The following TCF20 variants were observed in gnomAD, a reference collection of about 807,000 sequenced individuals.
TCF20 encodes the protein transcription factor 20, also known as SPRE-binding protein.
In TCF20, 3 loss-of-function variants were observed where a neutral mutation model predicts 148.6. That is an observed-to-expected ratio of 0.02 (90% CI 0.01 to 0.05). The LOEUF (loss-of-function observed/expected upper bound fraction) is 0.05. Among genes scored for constraint, TCF20 ranks in the 10% least tolerant of loss-of-function variants. The probability of loss-of-function intolerance (pLI) is 1.00; values close to 1 mark genes in which losing one functional copy is unlikely to be tolerated. For missense variants in TCF20, 2,350 were observed against 2,429.3 expected (o/e 0.97, Z 0.69); for synonymous variants, 1,049 against 909.5 (o/e 1.15, Z -2.76).
intron 5 of TCF20, among the ~76,000 whole-genome samples, chr22:42,163,970 C>T (rs1481875400): frequency 6.6e-6 from 1 of 152,092 alleles, no homozygotes; most frequent in Admixed American, 6.6e-5. Context: ...GCCATCCTCG[C>T]GTCCTTCCAC....
At chr22:42,266,825 A>G (rs1197300418) in intron 1 of TCF20, among the ~76,000 whole-genome samples, 2 of 152,164 alleles carry the variant, frequency 1.3e-5, no homozygotes, top group African/African-American at 4.8e-5. Flanking sequence ...TATGGAACCT[A>G]AAAGCCATGT....
chr22:42,320,778 C>T (rs1448541888), intron 1 of TCF20, among the ~76,000 whole-genome samples: 2 of 152,192 alleles, frequency 1.3e-5, no homozygotes, highest in Non-Finnish European at 2.9e-5. Flanking sequence ...CATTTATCAG[C>T]CAAATGGCTA....
chr22:42,215,216 G>C lies in TCF20; in HGVS notation c.90C>G (p.Phe30Leu), dbSNP rs1313016584. Reference protein sequence around the residue: ...EVHGSSRLEEFSPRQAQMFQN... With the variant: ...EVHGSSRLEELSPRQAQMFQN... ...GGAACATCTGGGCCTGACGAGGGCT[G>C]AACTCTTCTAGCCGGGATGAGCCGT... The change falls in exon 2 of 6, where the codon TTC becomes TTG. Residue 30 changes from phenylalanine (F) to leucine (L), a missense_variant. Physicochemically the swap from Phe to Leu is conservative, Grantham distance 22. This residue lies in a region of TCF20 where 1,641 missense variants were observed against 1,662.6 expected (regional missense o/e 0.99). Coordinates refer to ENST00000677622, the MANE Select transcript of TCF20 (RefSeq NM_001378418.1). 1 of 1,614,220 alleles carries C rather than the reference G, an allele frequency of 6.2e-7. No individual in the cohort carries two copies. Among genetic ancestry groups the C allele is most frequent in the Non-Finnish European group, 8.5e-7 (1 of 1,180,048 alleles).
At chr22:42,315,004 C>T (rs1927603961) in intron 1 of TCF20, among the ~76,000 whole-genome samples, 1 of 152,106 alleles carries the variant, frequency 6.6e-6, no homozygotes, top group African/African-American at 2.4e-5. Context: ...CTGGCTGTGC[C>T]TCCTTTAAAA....
At position 42,212,690 on chromosome 22, in the gene TCF20, T is replaced by C; in HGVS notation, c.2616A>G (p.Pro872=). The change falls in exon 2 of 6, where the codon CCA becomes CCG. Residue 872 remains proline, a synonymous_variant. Coordinates refer to ENST00000677622, the MANE Select transcript of TCF20 (RefSeq NM_001378418.1). ...ERRSVICDIS[P]LRQIVRDPGA... ...CTGGGTCCCTGACAATCTGTCTTAG[T>C]GGAGAAATATCACAGATCACTGATC... is the stretch of plus-strand genomic sequence containing the variant. 1 of 1,614,210 alleles carries C rather than the reference T, an allele frequency of 6.2e-7. No homozygotes were observed. The highest frequency in any genetic ancestry group is 2.2e-5 in the East Asian group (1 of 44,884).
intron 1 of TCF20, among the ~76,000 whole-genome samples, chr22:42,241,233 CTAAT>C (rs1000364372): frequency 4.8e-4 from 73 of 152,240 alleles, no homozygotes; most frequent in African/African-American, 1.7e-3. Flanking sequence ...CCCAAAGCCT[CTAAT>C]TATTTCTATA....
intron 2 of TCF20, among the ~76,000 whole-genome samples, chr22:42,199,706 CAAAAAAAAAAA>C (rs59845847): frequency 5.9e-4 from 20 of 33,870 alleles, no homozygotes; most frequent in Admixed American, 9.9e-4. Flanking sequence ...CCCATCTCTA[CAAAAAAAAAAA>C]AAAAAAAAAA....
chr22:42,269,979 C>G (rs1214388124), intron 1 of TCF20: 3 of 152,316 alleles, frequency 2.0e-5, no homozygotes, highest in Non-Finnish European at 4.4e-5. Context: ...GGACGCCGCC[C>G]GCTCACACCC....
chr22:42,334,789 T>C (rs1441602459), intron 1 of TCF20, among the ~76,000 whole-genome samples: 1 of 152,186 alleles, frequency 6.6e-6, no homozygotes, highest in Non-Finnish European at 1.5e-5. Flanking sequence ...TCTCACAGCC[T>C]AGTCTAAGTG....
At chr22:42,271,243 C>T (rs1312268170), upstream of TCF20, among the ~76,000 whole-genome samples, 2 of 152,252 alleles carry the variant, frequency 1.3e-5, no homozygotes, top group Non-Finnish European at 2.9e-5. Flanking sequence ...GACTTGGGTC[C>T]TCTCAGAGCC....
At position 42,210,363 on chromosome 22, in the gene TCF20, G is replaced by C; in HGVS notation, c.4943C>G (p.Thr1648Arg). The change falls in exon 2 of 6, where the codon ACA becomes AGA. Residue 1648 changes from threonine to arginine, a missense_variant. Transcript: ENST00000677622. This position sits in a 1 kb window ranked among gnomAD's most constrained non-coding sequence, Gnocchi z 4.7. ...TTCTTCTTCCTCAGCATTGATGATT[G>C]TACAAACGGCTCCAAGTTCACACTT... ...VNKCELGAVCTIINAEEEEQT... is the reference protein window; with the variant it reads ...VNKCELGAVCRIINAEEEEQT... 1 of 1,614,176 alleles carries C rather than the reference G, an allele frequency of 6.2e-7. No individual in the cohort carries two copies. Among genetic ancestry groups the C allele is most frequent in the Non-Finnish European group, 8.5e-7 (1 of 1,180,034 alleles).
chr22:42,289,140 C>T (rs1040094301), intron 1 of TCF20, among the ~76,000 whole-genome samples: 2 of 152,236 alleles, frequency 1.3e-5, no homozygotes, highest in Non-Finnish European at 2.9e-5. Context: ...TTCACCTGGT[C>T]TCCACTGCTG....
At position 42,206,818 on chromosome 22, in the gene TCF20, G is replaced by A. The variant is rs1283328273; in HGVS notation, c.5655+2833C>T. Among the ~76,000 whole-genome samples the A allele has an allele frequency of 2.0e-5, 3 of 152,116 alleles. No homozygotes were observed. The South Asian group carries it at 6.2e-4, about 32-fold the overall frequency. On this transcript the variant is annotated intron_variant, in intron 2 of 5. Transcript: ENST00000677622. ...AATATAATTTTTACTATAGTCTATG[G>A]GCACTTCTTTTTGCCAGAAGGTTAT...
At chr22:42,332,174 A>G (rs887807949) in intron 1 of TCF20, among the ~76,000 whole-genome samples, 2 of 152,242 alleles carry the variant, frequency 1.3e-5, no homozygotes, top group African/African-American at 4.8e-5. Context: ...AACTAGCCTG[A>G]TAACATGCAC....
chr22:42,197,661 T>C (rs2082692909), intron 2 of TCF20, among the ~76,000 whole-genome samples: 1 of 152,184 alleles, frequency 6.6e-6, no homozygotes, highest in African/African-American at 2.4e-5. Context: ...AATGCCTAAT[T>C]TAGGGGCACC....
chr22:42,210,332 G>T lies in TCF20; in HGVS notation c.4974C>A (p.Thr1658=), dbSNP rs757640406. The change falls in exon 2 of 6, where the codon ACC becomes ACA. Residue 1658 remains threonine (T), a synonymous_variant. Transcript: ENST00000677622. The surrounding 1 kb of genome is among the most constrained non-coding windows in gnomAD (Gnocchi z 4.7). Reference sequence around the variant, plus strand: ...GACCCTTCCTGCCCCTCACTAATTTGGTCTGTTCTTCTTCCTCAGCATTGA... The same window carrying T: ...GACCCTTCCTGCCCCTCACTAATTTTGTCTGTTCTTCTTCCTCAGCATTGA... ...TIINAEEEEQ[T]KLVRGRKGQR... 1 of 1,614,112 alleles carries T rather than the reference G, an allele frequency of 6.2e-7. No homozygotes were observed. The highest frequency in any genetic ancestry group is 8.5e-7 in the Non-Finnish European group (1 of 1,180,032).
intron 1 of TCF20, among the ~76,000 whole-genome samples, chr22:42,320,034 C>T (rs1927703432): frequency 6.6e-6 from 1 of 152,186 alleles, no homozygotes; most frequent in South Asian, 2.1e-4. Flanking sequence ...CCTCCATTCC[C>T]ACCACTGCCA....
chr22:42,186,346 T>G (rs1281130449), intron 2 of TCF20, among the ~76,000 whole-genome samples: 2 of 152,224 alleles, frequency 1.3e-5, no homozygotes, highest in Non-Finnish European at 2.9e-5. Flanking sequence ...GCCTTCTGCC[T>G]AAAGCTGCTG....
intron 1 of TCF20, among the ~76,000 whole-genome samples, chr22:42,259,860 T>C (rs1469359758): frequency 6.6e-6 from 1 of 152,194 alleles, no homozygotes; most frequent in African/African-American, 2.4e-5. Flanking sequence ...TTCAGGCTGT[T>C]CATGGAGGCT....
Sources: allele counts gnomAD v4.1 joint callset (sites outside exome capture counted in the v4.1 genomes callset), GRCh38; gene constraint gnomAD v4.1.1; regional missense constraint gnomAD v4.1.1; non-coding constraint Gnocchi (gnomAD v3.1); transcripts MANE v1.5; gene names NCBI Gene and HGNC (gene_info 2026-07-23, HGNC 2026-07-21).